TTC28: variants seen among roughly 807,000 people sequenced by gnomAD.
The protein encoded by TTC28 is tetratricopeptide repeat protein 28.
TTC28 carries 61 observed loss-of-function variants against 198.0 expected under a neutral mutation model. That is an observed-to-expected ratio of 0.31 (90% confidence interval 0.25 to 0.38). TTC28 has a LOEUF of 0.38. TTC28 is among the 10% of genes least tolerant of loss of function. TTC28 has a pLI of 1.00. For missense variants in TTC28, 2,678 were observed against 3,164.0 expected, an observed-to-expected ratio of 0.85 and a Z score of 3.69; for synonymous variants, 1,171 against 1,297.8, an observed-to-expected ratio of 0.90 and a Z score of 2.10.
At chr22:28,498,930 CT>C (rs2048496747) in intron 2 of TTC28, among the ~76,000 whole-genome samples, 1 of 152,152 alleles carries the variant, frequency 6.6e-6, no homozygotes. Context: ...AATCCCAGCA[CT>C]TTGGGAGGCT....
chr22:28,444,495 TATA>T (rs1322194072), intron 2 of TTC28, among the ~76,000 whole-genome samples: 3 of 152,196 alleles, frequency 2.0e-5, no homozygotes, highest in Non-Finnish European at 2.9e-5. Flanking sequence ...GCATTATCTT[TATA>T]ATAATAATAT....
chr22:28,235,149 G>GC (rs1172504599), intron 5 of TTC28, among the ~76,000 whole-genome samples: 1 of 152,210 alleles, frequency 6.6e-6, no homozygotes. Context: ...GCTGCCACCA[G>GC]CCCTCAGGTC....
chr22:28,393,530 C>CA (rs917156090), intron 2 of TTC28, among the ~76,000 whole-genome samples: 5 of 151,656 alleles, frequency 3.3e-5, no homozygotes, highest in South Asian at 2.1e-4. Flanking sequence ...CATCTCCACA[C>CA]AAAAAAATAA....
Position 28,547,200 on chromosome 22 carries a change from GTA to G in TTC28, c.381+82350_381+82351del, listed in dbSNP as rs576770680. The stretch of plus-strand genomic sequence containing the variant: ...ATTTTTAAGATCTCTCTGCATGTGT[GTA>G]TGTGTGTGTGTGAGTGTGTGTGTGT... On this transcript the variant is annotated intron_variant, in intron 2 of 22. Transcript: ENST00000397906. 3.3e-3 allele frequency among the ~76,000 whole-genome samples: 506 copies of G among 151,110 alleles called. 9 individuals are homozygous for G. Among genetic ancestry groups the G allele is most frequent in the Admixed American group, 0.028 (414 of 14,934 alleles).
intron 12 of TTC28, among the ~76,000 whole-genome samples, chr22:28,077,709 C>A (rs192103642): frequency 6.6e-6 from 1 of 151,768 alleles, no homozygotes; most frequent in African/African-American, 2.4e-5. Flanking sequence ...ATAACTTTCA[C>A]GGTAGAAAAT....
chr22:28,435,456 C>T (rs2047506230), intron 2 of TTC28, among the ~76,000 whole-genome samples: 1 of 152,168 alleles, frequency 6.6e-6, no homozygotes, highest in Non-Finnish European at 1.5e-5. Context: ...GGTTTTAGCA[C>T]ATCAATAAAA....
intron 5 of TTC28, among the ~76,000 whole-genome samples, chr22:28,168,202 C>G (rs1278053112): frequency 6.6e-6 from 1 of 152,314 alleles, no homozygotes; most frequent in South Asian, 2.1e-4. Context: ...ACATTCCATG[C>G]TCATGGATAG....
At chr22:28,070,447 T>C (rs1940922879) in intron 12 of TTC28, among the ~76,000 whole-genome samples, 1 of 152,054 alleles carries the variant, frequency 6.6e-6, no homozygotes, top group Non-Finnish European at 1.5e-5. Context: ...CCAAAGAAAT[T>C]TCTGTAGAGA....
At chr22:28,073,503 A>G (rs1941063538) in intron 12 of TTC28, among the ~76,000 whole-genome samples, 1 of 152,212 alleles carries the variant, frequency 6.6e-6, no homozygotes, top group South Asian at 2.1e-4. Context: ...ATGTTAAGGG[A>G]AGAAAGATAT....
chr22:28,352,067 G>A (rs2046004654), intron 2 of TTC28, among the ~76,000 whole-genome samples: 1 of 151,952 alleles, frequency 6.6e-6, no homozygotes, highest in Non-Finnish European at 1.5e-5. Flanking sequence ...AGGTTACACA[G>A]AATTCATTTA....
chr22:28,334,610 G>A (rs2045676364), intron 2 of TTC28, among the ~76,000 whole-genome samples: 1 of 152,202 alleles, frequency 6.6e-6, no homozygotes, highest in African/African-American at 2.4e-5. Context: ...CAGTGATGGT[G>A]AGCATTTTTT....
intron 5 of TTC28, among the ~76,000 whole-genome samples, chr22:28,287,662 T>C (rs1475712992): frequency 6.6e-6 from 1 of 152,102 alleles, no homozygotes; most frequent in Non-Finnish European, 1.5e-5. Context: ...GTGTACAATA[T>C]ACAGAGTAGT....
intron 6 of TTC28, among the ~76,000 whole-genome samples, chr22:28,112,395 G>A (rs906490284): frequency 2.6e-5 from 4 of 152,194 alleles, no homozygotes; most frequent in Admixed American, 2.6e-4. Context: ...ATGGCAAAAT[G>A]ATCTGATCTC....
chr22:28,166,155 G>A (rs952299139), intron 5 of TTC28, among the ~76,000 whole-genome samples: 5 of 152,130 alleles, frequency 3.3e-5, no homozygotes, highest in Non-Finnish European at 7.3e-5. Context: ...CCCAATACAG[G>A]AGCACCCAGA....
chr22:28,522,324 T>C (rs899772739), intron 2 of TTC28, among the ~76,000 whole-genome samples: 1 of 151,958 alleles, frequency 6.6e-6, no homozygotes, highest in South Asian at 2.1e-4. Context: ...CTGTCTCTAC[T>C]AAAAATACGA....
At chr22:28,093,683 C>T (rs147677583) in intron 12 of TTC28, among the ~76,000 whole-genome samples, 11 of 152,262 alleles carry the variant, frequency 7.2e-5, no homozygotes, top group African/African-American at 2.6e-4. Flanking sequence ...GTCACTGGTA[C>T]TAAATTACTC....
At chr22:28,544,903 T>C (rs899471024) in intron 2 of TTC28, among the ~76,000 whole-genome samples, 2 of 152,200 alleles carry the variant, frequency 1.3e-5, no homozygotes, top group Non-Finnish European at 2.9e-5. Context: ...AGAAGTCTCA[T>C]GAATAATCCA....
intron 2 of TTC28, among the ~76,000 whole-genome samples, chr22:28,441,673 T>C (rs1001906940): frequency 1.3e-5 from 2 of 152,152 alleles, no homozygotes; most frequent in Non-Finnish European, 2.9e-5. Context: ...CTCATGCACC[T>C]CACACATGAT....
intron 2 of TTC28, among the ~76,000 whole-genome samples, chr22:28,513,297 G>A (rs2048719517): frequency 2.0e-5 from 3 of 152,140 alleles, no homozygotes; most frequent in African/African-American, 7.2e-5. Flanking sequence ...CAACGTAAGA[G>A]TTAATGTGTC....
Sources: allele counts gnomAD v4.1 joint callset (sites outside exome capture counted in the v4.1 genomes callset), GRCh38; gene constraint gnomAD v4.1.1; transcripts MANE v1.5; gene names NCBI Gene and HGNC (gene_info 2026-07-23, HGNC 2026-07-21).